Variants in CLASP2 observed in about 807,000 individuals in gnomAD.
The protein encoded by CLASP2 is cytoplasmic linker associated protein 2, also known as CLIP-associating protein 2.
A neutral mutation model predicts 194.4 loss-of-function variants in CLASP2; 47 were observed. That is an observed-to-expected ratio of 0.24 (90% CI 0.19 to 0.31). The LOEUF is 0.31. CLASP2 is among the 10% of genes least tolerant of loss of function. CLASP2 has a pLI of 1.00. For synonymous variants in CLASP2, 619 were observed against 633.5 expected (o/e 0.98, Z 0.34); for missense variants, 1,445 against 1,823.6 (o/e 0.79, Z 3.78).
chr3:33,703,371 T>A (rs2092493101), intron 1 of CLASP2, among the ~76,000 whole-genome samples: 1 of 152,200 alleles, frequency 6.6e-6, no homozygotes. Context: ...CAACATCGTA[T>A]GTCATTAGGA....
chr3:33,714,695 T>A (rs1489179236), intron 1 of CLASP2, among the ~76,000 whole-genome samples: 1 of 152,156 alleles, frequency 6.6e-6, no homozygotes, highest in Admixed American at 6.6e-5. Flanking sequence ...TCCTTTATAG[T>A]CGACTCTCCA....
chr3:33,659,018 A>T, intron 7 of CLASP2: 1 of 1,535,898 alleles, frequency 6.5e-7, no homozygotes, highest in Non-Finnish European at 8.7e-7. Flanking sequence ...CTCTGAAACC[A>T]AGAGGTCAAA....
chr3:33,574,484 T>C (rs2064416659), intron 24 of CLASP2: 2 of 1,510,792 alleles, frequency 1.3e-6, no homozygotes, highest in Non-Finnish European at 1.8e-6. Context: ...TTAGTCCGTA[T>C]GTCTCCTAAG....
At chr3:33,551,145 C>T in intron 30 of CLASP2, 107 bp downstream of exon 30, 2 of 902,592 alleles carry the variant, frequency 2.2e-6, no homozygotes, top group Non-Finnish European at 3.3e-6. Context: ...CTTCATAACT[C>T]ACTGCTAATT....
intron 21 of CLASP2, chr3:33,592,154 C>T: frequency 2.8e-6 from 2 of 702,272 alleles, no homozygotes; most frequent in East Asian, 2.7e-5. Context: ...CAAGACAACA[C>T]CCACTCAAAA....
chr3:33,692,051 C>G (rs2091411799), intron 2 of CLASP2, among the ~76,000 whole-genome samples: 1 of 152,026 alleles, frequency 6.6e-6, no homozygotes, highest in Non-Finnish European at 1.5e-5. Context: ...GTGTCTGTAG[C>G]CCAGCTACTT....
chr3:33,703,418 T>C (rs2092495607), intron 1 of CLASP2, among the ~76,000 whole-genome samples: 1 of 152,164 alleles, frequency 6.6e-6, no homozygotes, highest in Non-Finnish European at 1.5e-5. Context: ...ACACACCTAT[T>C]AAAATGGCCA....
At position 33,584,791 on chromosome 3, in the gene CLASP2, T is replaced by G. The variant is rs2066992671; in HGVS notation, c.2198A>C (p.Gln733Pro). 1.2e-6 allele frequency: 2 copies of G among 1,612,314 alleles called. No homozygotes were observed. Residue 733 changes from glutamine (Q) to proline (P), a missense_variant, in exon 22 of 39, where the codon CAG (glutamine) becomes CCG (proline). Physicochemically the swap from Gln to Pro is moderately conservative, Grantham distance 76 (BLOSUM62 -1). Transcript: ENST00000682230. ...AQKRSKIPRS[Q>P]GCSREASPSR... Reference sequence around the variant, plus strand: ...TGGACTAGCCTCTCTGCTACAGCCCTGGCTCCGTGGTATCTTGCTTCTTTT... The same window carrying G: ...TGGACTAGCCTCTCTGCTACAGCCCGGGCTCCGTGGTATCTTGCTTCTTTT...
chr3:33,619,681 A>C lies in CLASP2; in HGVS notation c.1239T>G (p.Pro413=). Residue 413 remains proline (P), a synonymous_variant, in exon 12 of 39, where the codon CCT becomes CCG. Coordinates refer to ENST00000682230, the MANE Select transcript of CLASP2 (RefSeq NM_001365631.1). The part of the protein sequence containing the change: ...KFDHGAEAIV[P]TLFNLVPNSA... Reference sequence around the variant, plus strand: ...TATTGGGGACGAGATTAAAAAGTGTAGGTACAATGGCTTCAGCGCCATGAT... The same window carrying C: ...TATTGGGGACGAGATTAAAAAGTGTCGGTACAATGGCTTCAGCGCCATGAT... 1 of 1,574,546 alleles carries C rather than the reference A, an allele frequency of 6.4e-7. No homozygotes were observed. Among genetic ancestry groups the C allele is most frequent in the South Asian group, 1.2e-5 (1 of 85,294 alleles).
chr3:33,501,543 A>T (rs1297474448), intron 38 of CLASP2, 109 bp downstream of exon 38: 1 of 664,550 alleles, frequency 1.5e-6, no homozygotes, highest in Non-Finnish European at 2.7e-6. Flanking sequence ...GGATGCTCAA[A>T]GCCTGACTTA....
chr3:33,677,030 C>A, intron 6 of CLASP2, among the ~76,000 whole-genome samples: 1 of 152,054 alleles, frequency 6.6e-6, no homozygotes, highest in East Asian at 1.9e-4. Context: ...GTTAGAATGG[C>A]AATCATTAAA....
chr3:33,546,269 T>A (rs937109206), intron 30 of CLASP2, among the ~76,000 whole-genome samples: 12 of 152,218 alleles, frequency 7.9e-5, no homozygotes, highest in African/African-American at 2.7e-4. Flanking sequence ...GACACCTGTA[T>A]AATGAACTAA....
chr3:33,659,204 T>C, intron 7 of CLASP2: 1 of 1,367,036 alleles, frequency 7.3e-7, no homozygotes, highest in Non-Finnish European at 9.4e-7. Flanking sequence ...CCCTCGTTTA[T>C]TTAGCACAGC....
rs923980868 is a variant in CLASP2, at chr3:33,641,013, G to C, written c.862+3744C>G. On this transcript the variant is annotated intron_variant, in intron 8 of 38. Transcript: ENST00000682230. Reference sequence around the variant, plus strand: ...TAGAAATTAGTATGATGGCAGTATAGCAAAGTGATTTTTGTGCTTTGCCCT... The same window carrying C: ...TAGAAATTAGTATGATGGCAGTATACCAAAGTGATTTTTGTGCTTTGCCCT... Among the ~76,000 whole-genome samples, 6 of 151,998 alleles carry C rather than the reference G, an allele frequency of 3.9e-5. No homozygotes were observed. The East Asian group carries it at 1.2e-3, about 29-fold the overall frequency.
Position 33,584,874 on chromosome 3 carries a change from G to A in CLASP2, c.2115C>T (p.Ala705=). 6.2e-7 allele frequency: 1 copy of A among 1,613,822 alleles called. No individual in the cohort carries two copies. The highest frequency in any genetic ancestry group is 8.5e-7 in the Non-Finnish European group (1 of 1,179,828). The change falls in exon 22 of 39, where the codon GCC becomes GCT. Residue 705 remains alanine (A), a synonymous_variant. Coordinates refer to ENST00000682230, the MANE Select transcript of CLASP2 (RefSeq NM_001365631.1). ...GAACACCAGAGCTCACAGTGGACAG[G>A]GCTGTTGTGGTCAGAACTCTTCCTG... ...GSPGRVLTTT[A]LSTVSSGVQR... is the part of the protein sequence containing the mutation.
At chr3:33,680,244 A>G (rs2089572708) in intron 6 of CLASP2, among the ~76,000 whole-genome samples, 2 of 152,238 alleles carry the variant, frequency 1.3e-5, no homozygotes, top group Non-Finnish European at 2.9e-5. Context: ...TTAAGGCAGT[A>G]AAACTATTCT....
chr3:33,616,735 T>C (rs925883219), intron 12 of CLASP2, among the ~76,000 whole-genome samples: 7 of 100,354 alleles, frequency 7.0e-5, no homozygotes, highest in African/African-American at 2.8e-4. Flanking sequence ...CTATACTTCC[T>C]TTTTTTTTTT....
chr3:33,501,629 TAA>T (rs1302110987), intron 38 of CLASP2, 21 bp downstream of exon 38: 2 of 1,445,630 alleles, frequency 1.4e-6, no homozygotes, highest in Non-Finnish European at 1.9e-6. Context: ...CCACCATCTC[TAA>T]AACACAGCAG....
chr3:33,670,488 GA>G (rs2086958749), intron 6 of CLASP2, among the ~76,000 whole-genome samples: 1 of 152,100 alleles, frequency 6.6e-6, no homozygotes, highest in Non-Finnish European at 1.5e-5. Flanking sequence ...AAGAAGCTTG[GA>G]AAGTTGCTAC....
Sources: allele counts gnomAD v4.1 joint callset (sites outside exome capture counted in the v4.1 genomes callset), GRCh38; gene constraint gnomAD v4.1.1; transcripts MANE v1.5; gene names NCBI Gene and HGNC (gene_info 2026-07-23, HGNC 2026-07-21).